VIPAS39: variants seen among roughly 807,000 people sequenced by gnomAD.
VIPAS39 encodes the protein spermatogenesis-defective protein 39 homolog.
VIPAS39 carries 63 observed loss-of-function variants against 84.7 expected under a neutral mutation model. The observed-to-expected ratio is 0.74, with a 90% CI of 0.61 to 0.92. The LOEUF (loss-of-function observed/expected upper bound fraction) is 0.92. Ranked by LOEUF, VIPAS39 falls within the 40% of genes least tolerant of loss-of-function variation. VIPAS39 has a pLI of 0.00. For missense variants in VIPAS39, 499 were observed against 604.5 expected (o/e 0.83, Z 1.83); for synonymous variants, 192 against 216.5 (o/e 0.89, Z 0.99).
chr14:77,448,887 A>T (rs1390852168), intron 6 of VIPAS39, among the ~76,000 whole-genome samples: 1 of 152,210 alleles, frequency 6.6e-6, no homozygotes, highest in Non-Finnish European at 1.5e-5. Flanking sequence ...CAACAGAAGG[A>T]AAGAGAGAGA....
chr14:77,439,658 G>C (rs975548573), intron 11 of VIPAS39, among the ~76,000 whole-genome samples: 2 of 151,972 alleles, frequency 1.3e-5, no homozygotes, highest in African/African-American at 4.8e-5. Flanking sequence ...AGGTGTGGTC[G>C]TGTGCACCTG....
intron 12 of VIPAS39, 22 bp downstream of exon 12, chr14:77,437,786 A>G (rs1246481716): frequency 6.2e-7 from 1 of 1,610,996 alleles, no homozygotes. Flanking sequence ...TATACTTAAA[A>G]TCATTTTTCC....
At position 77,449,301 on chromosome 14, in the gene VIPAS39, C is replaced by T; in HGVS notation, c.439G>A (p.Glu147Lys). ...TGTATGCTGTAACTCACCCTATACT[C>T]CCCTTTGGGTCTCCCCAGCTCTGGA... ...YAPELGRPKG[E>K]YRDYSNDWSP... The change falls in exon 6 of 20, where the codon GAG (glutamate) becomes AAG (lysine). Residue 147 changes from glutamate to lysine, a missense_variant. Glu to Lys is a moderately conservative substitution (Grantham distance 56). Coordinates refer to ENST00000557658, the MANE Select transcript of VIPAS39 (RefSeq NM_001193315.2). 7 of 1,614,184 alleles carry T rather than the reference C, an allele frequency of 4.3e-6. No homozygotes were observed. The highest frequency in any genetic ancestry group is 5.9e-6 in the Non-Finnish European group (7 of 1,180,032).
intron 11 of VIPAS39, among the ~76,000 whole-genome samples, chr14:77,440,708 G>A (rs558646784): frequency 5.9e-5 from 9 of 152,152 alleles, no homozygotes; most frequent in South Asian, 2.1e-4. Flanking sequence ...TCTTGGAGGC[G>A]GGGGTTTGGC....
intron 14 of VIPAS39, among the ~76,000 whole-genome samples, chr14:77,434,630 C>T (rs1228959443): frequency 6.6e-6 from 1 of 152,014 alleles, no homozygotes; most frequent in Non-Finnish European, 1.5e-5. Flanking sequence ...CGGTGGCTCT[C>T]ACCTATAATC....
intron 3 of VIPAS39, 137 bp from the exon 4 acceptor site, chr14:77,451,470 A>C (rs1353132782): frequency 1.2e-5 from 15 of 1,288,058 alleles, no homozygotes; most frequent in Non-Finnish European, 1.7e-5. Flanking sequence ...AAAAGATAGA[A>C]TCAAATAGAC....
At chr14:77,428,977 C>G (rs191050820) in intron 18 of VIPAS39, 29 bp downstream of exon 18, 7 of 1,598,462 alleles carry the variant, frequency 4.4e-6, no homozygotes, top group Non-Finnish European at 6.0e-6. Flanking sequence ...GAGGATCTAA[C>G]GGAGGACTCC....
intron 10 of VIPAS39, 47 bp downstream of exon 10, chr14:77,442,513 G>T: frequency 1.3e-6 from 2 of 1,510,988 alleles, no homozygotes; most frequent in Non-Finnish European, 1.8e-6. Flanking sequence ...AGAGTGCTTT[G>T]AAACAAGTAC....
At chr14:77,446,010 AC>A (rs2078783412) in intron 7 of VIPAS39, among the ~76,000 whole-genome samples, 1 of 151,772 alleles carries the variant, frequency 6.6e-6, no homozygotes, top group South Asian at 2.1e-4. Flanking sequence ...TTTTGAAACT[AC>A]TTTCTCTGAG....
Position 77,453,469 on chromosome 14 carries a change from A to G in VIPAS39, c.94-68T>C, listed in dbSNP as rs1395198390. 6.1e-6 allele frequency: 9 copies of G among 1,485,500 alleles called. No individual in the cohort carries two copies. The East Asian group carries it at 2.0e-4, about 34-fold the overall frequency. The allele number at this position is 1,485,500 out of a possible 1,614,324, so 92.0% of individuals were successfully genotyped here. ...TTTCCCACCTCTCTTCTGACAATCA[A>G]GAAGGCTGAGGAATTGGGGCCTGAA... On this transcript the variant is annotated intron_variant, in intron 2 of 19. Coordinates refer to ENST00000557658, the MANE Select transcript of VIPAS39 (RefSeq NM_001193315.2).
intron 12 of VIPAS39, 116 bp downstream of exon 12, chr14:77,437,692 G>A (rs907698550): frequency 9.3e-7 from 1 of 1,074,144 alleles, no homozygotes; most frequent in Non-Finnish European, 1.4e-6. Context: ...AATGATGCTG[G>A]TATGATTCAT....
chr14:77,429,241 G>A (rs116854785), intron 17 of VIPAS39, 146 bp from the exon 18 acceptor site: 7,949 of 721,768 alleles, frequency 0.011, 115 homozygotes, highest in South Asian at 0.037. Context: ...GACTAGTTCT[G>A]CAATGGGAAT....
At chr14:77,442,981 CTCTGAAGTCT>C (rs2078726314) in intron 9 of VIPAS39, 128 bp downstream of exon 9, 1 of 1,135,962 alleles carries the variant, frequency 8.8e-7, no homozygotes, top group African/African-American at 1.9e-5. Flanking sequence ...GTGATTTGTG[CTCTGAAGTCT>C]CAGGCCACCC....
chr14:77,444,323 ATC>A lies in VIPAS39; in HGVS notation c.521_522del (p.Arg174IlefsTer19). 1 of 1,613,676 alleles carries A rather than the reference ATC, an allele frequency of 6.2e-7. No individual in the cohort carries two copies. The highest frequency in any genetic ancestry group is 8.5e-7 in the Non-Finnish European group (1 of 1,179,672). On this transcript the variant is annotated frameshift_variant, in exon 8 of 20. Coordinates refer to ENST00000557658, the MANE Select transcript of VIPAS39 (RefSeq NM_001193315.2). LOFTEE classifies it high-confidence loss of function. ...TGTAGTTTGTCCTGTAAGGAGCGGA[ATC>A]TCTCTAGTGAGCAAACCTGGCAGAA... ...LRKGKVCSLE[R>X]FRSLQDKLQL...
intron 3 of VIPAS39, 118 bp downstream of exon 3, chr14:77,453,181 G>T: frequency 9.2e-7 from 1 of 1,084,324 alleles, no homozygotes; most frequent in Non-Finnish European, 1.4e-6. Flanking sequence ...ATGCTTATCT[G>T]AAAATAGTCT....
chr14:77,445,992 T>C (rs1361910163), intron 7 of VIPAS39, among the ~76,000 whole-genome samples: 2 of 151,638 alleles, frequency 1.3e-5, no homozygotes, highest in East Asian at 1.9e-4. Flanking sequence ...TCCTTTATAA[T>C]ATACGTGTTT....
At chr14:77,448,415 A>G in intron 7 of VIPAS39, 79 bp downstream of exon 7, 1 of 1,343,440 alleles carries the variant, frequency 7.4e-7, no homozygotes, top group Non-Finnish European at 1.1e-6. Flanking sequence ...TGAGAACTGA[A>G]GAGAGGTCAA....
intron 11 of VIPAS39, 91 bp from the exon 12 acceptor site, chr14:77,437,972 C>A: frequency 7.7e-7 from 1 of 1,305,312 alleles, no homozygotes; most frequent in Non-Finnish European, 1.1e-6. Flanking sequence ...TTTAAAAAAA[C>A]AAATTCTTCA....
At chr14:77,428,969 G>C (rs763338940) in intron 18 of VIPAS39, 37 bp downstream of exon 18, 2 of 1,568,802 alleles carry the variant, frequency 1.3e-6, no homozygotes, top group South Asian at 2.2e-5. Flanking sequence ...TCGCCACTGA[G>C]GATCTAACGG....
Sources: gnomAD v4.1 joint callset for allele counts (sites outside exome capture counted in the v4.1 genomes callset) on GRCh38, gnomAD v4.1.1 for gene constraint, MANE v1.5 for transcripts, NCBI Gene and HGNC (gene_info 2026-07-23, HGNC 2026-07-21) for gene names.